SPMAP2L: variants seen among roughly 807,000 people sequenced by gnomAD.
SPMAP2L encodes sperm microtubule associated protein 2 like.
the SPMAP2L span, among the ~76,000 whole-genome samples, chr4:56,545,377 AAC>A: frequency 6.6e-6 from 1 of 152,168 alleles, no homozygotes; most frequent in Non-Finnish European, 1.5e-5. Flanking sequence ...GGAGGGTAGA[AAC>A]ACATAAACCA....
the SPMAP2L span, among the ~76,000 whole-genome samples, chr4:56,626,103 G>A: frequency 1.3e-5 from 2 of 152,214 alleles, no homozygotes; most frequent in Non-Finnish European, 2.9e-5. Context: ...GAAACTGAAG[G>A]AATGAGACAT....
chr4:56,596,632 G>T, the SPMAP2L span: 9 of 1,512,252 alleles, frequency 6.0e-6, no homozygotes, highest in African/African-American at 1.4e-5. Flanking sequence ...CATCCGTCCT[G>T]TAAGCCATCG....
At chr4:56,625,376 C>A in the SPMAP2L span, among the ~76,000 whole-genome samples, 1 of 152,044 alleles carries the variant, frequency 6.6e-6, no homozygotes, top group South Asian at 2.1e-4. Flanking sequence ...TGAGTTAAGA[C>A]TTTGGGGGAC....
chr4:56,596,428 A>G, the SPMAP2L span: 1 of 1,399,212 alleles, frequency 7.1e-7, no homozygotes, highest in South Asian at 1.6e-5. Context: ...GTCAAATCAT[A>G]CTTTGTAATC....
chr4:56,600,256 A>G, the SPMAP2L span, among the ~76,000 whole-genome samples: 1 of 151,532 alleles, frequency 6.6e-6, no homozygotes. Flanking sequence ...GCTGAGCCTA[A>G]GTATTATTTT....
At chr4:56,566,984 T>A in the SPMAP2L span, among the ~76,000 whole-genome samples, 1 of 152,088 alleles carries the variant, frequency 6.6e-6, no homozygotes, top group Non-Finnish European at 1.5e-5. Flanking sequence ...CATGAGCTAC[T>A]GTGCCTGGCC....
the SPMAP2L span, among the ~76,000 whole-genome samples, chr4:56,544,461 T>A: frequency 3.3e-5 from 5 of 152,318 alleles, no homozygotes; most frequent in Admixed American, 1.3e-4. Flanking sequence ...CACTGGAAAC[T>A]ATTTTTTTTA....
At chr4:56,553,165 T>C in the SPMAP2L span, among the ~76,000 whole-genome samples, 1 of 151,412 alleles carries the variant, frequency 6.6e-6, no homozygotes, top group African/African-American at 2.4e-5. Flanking sequence ...TGAATATTTT[T>C]TGGATCTCCT....
the SPMAP2L span, among the ~76,000 whole-genome samples, chr4:56,531,594 G>A: frequency 6.6e-6 from 1 of 152,136 alleles, no homozygotes; most frequent in Non-Finnish European, 1.5e-5. Flanking sequence ...TCCTTGAAGG[G>A]AGGATATTTT....
At chr4:56,608,716 T>C in the SPMAP2L span, among the ~76,000 whole-genome samples, 2 of 152,126 alleles carry the variant, frequency 1.3e-5, no homozygotes, top group East Asian at 1.9e-4. Context: ...GCCATGAGAA[T>C]AGGGCCACCC....
chr4:56,620,134 G>C, the SPMAP2L span, among the ~76,000 whole-genome samples: 1 of 152,194 alleles, frequency 6.6e-6, no homozygotes, highest in Non-Finnish European at 1.5e-5. Flanking sequence ...TGCTAGACCA[G>C]GGCCACAGCC....
the SPMAP2L span, among the ~76,000 whole-genome samples, chr4:56,571,737 A>G: frequency 1.3e-5 from 2 of 152,144 alleles, no homozygotes; most frequent in Non-Finnish European, 2.9e-5. Flanking sequence ...AGTCCTAGCT[A>G]CTCAGGAGGC....
At chr4:56,541,572 C>G in the SPMAP2L span, among the ~76,000 whole-genome samples, 1 of 150,550 alleles carries the variant, frequency 6.6e-6, no homozygotes, top group Admixed American at 6.6e-5. Flanking sequence ...TAATAAACCC[C>G]TATGTACCCA....
chr4:56,576,512 G>C, the SPMAP2L span, among the ~76,000 whole-genome samples: 1 of 152,180 alleles, frequency 6.6e-6, no homozygotes, highest in Admixed American at 6.6e-5. Context: ...AAACTGTCCA[G>C]TAACGGAAAG....
the SPMAP2L span, among the ~76,000 whole-genome samples, chr4:56,585,045 T>C: frequency 4.1e-4 from 62 of 152,302 alleles, no homozygotes; most frequent in Admixed American, 2.2e-3. Context: ...TTGATTCTAA[T>C]AGCAAGGGAG....
At chr4:56,568,336 AG>A in the SPMAP2L span, among the ~76,000 whole-genome samples, 1 of 152,132 alleles carries the variant, frequency 6.6e-6, no homozygotes, top group East Asian at 1.9e-4. Flanking sequence ...CATACCTGGT[AG>A]TTTTTTATTG....
At chr4:56,592,677 C>A in the SPMAP2L span, among the ~76,000 whole-genome samples, 1 of 152,040 alleles carries the variant, frequency 6.6e-6, no homozygotes, top group Non-Finnish European at 1.5e-5. Context: ...TGTGCCAGGG[C>A]GTTGGGGCTG....
chr4:56,583,808 C>A, the SPMAP2L span, among the ~76,000 whole-genome samples: 5 of 151,924 alleles, frequency 3.3e-5, no homozygotes, highest in Non-Finnish European at 5.9e-5. Flanking sequence ...ATAACTCATT[C>A]ATAACAGATC....
the SPMAP2L span, chr4:56,600,974 C>A: frequency 6.5e-7 from 1 of 1,535,388 alleles, no homozygotes; most frequent in Non-Finnish European, 8.7e-7. Flanking sequence ...AGCCCCCGAA[C>A]AATAGCTCTA....
Sources: allele counts gnomAD v4.1 joint callset (sites outside exome capture counted in the v4.1 genomes callset), GRCh38; gene constraint gnomAD v4.1.1; transcripts MANE v1.5; gene names NCBI Gene and HGNC (gene_info 2026-07-23, HGNC 2026-07-21).